Variants in ARID1B observed in about 807,000 individuals in gnomAD.
The protein encoded by ARID1B is AT-rich interactive domain-containing protein 1B.
In ARID1B, 30 loss-of-function variants were observed where a neutral mutation model predicts 212.3. The observed-to-expected ratio is 0.14, with a 90% CI of 0.11 to 0.19. The LOEUF (loss-of-function observed/expected upper bound fraction) is 0.19. Among genes scored for constraint, ARID1B ranks in the 10% least tolerant of loss-of-function variants. The pLI is 1.00. For missense variants in ARID1B, 2,891 were observed against 3,204.0 expected (o/e 0.90, Z 2.36); for synonymous variants, 1,402 against 1,301.7 (o/e 1.08, Z -1.66).
At chr6:156,940,554 G>A (rs1412677084) in intron 4 of ARID1B, 1 of 152,236 alleles carries the variant, frequency 6.6e-6, no homozygotes, top group African/African-American at 2.4e-5. Flanking sequence ...AGAATGGTTG[G>A]AAAACTTTTA....
chr6:157,188,442 C>T (rs1250405223), intron 13 of ARID1B, among the ~76,000 whole-genome samples: 1 of 152,198 alleles, frequency 6.6e-6, no homozygotes, highest in Non-Finnish European at 1.5e-5. Flanking sequence ...ATTTTGATTT[C>T]TGACTCCTTC....
chr6:157,045,605 G>C (rs770876535), intron 4 of ARID1B, among the ~76,000 whole-genome samples: 1 of 152,130 alleles, frequency 6.6e-6, no homozygotes, highest in Non-Finnish European at 1.5e-5. Flanking sequence ...CTCTCTGAGT[G>C]AGTGTGACTA....
At chr6:156,899,076 G>A (rs1181239008) in intron 2 of ARID1B, among the ~76,000 whole-genome samples, 1 of 152,218 alleles carries the variant, frequency 6.6e-6, no homozygotes, top group Non-Finnish European at 1.5e-5. Context: ...ATATTTTACA[G>A]AGAGCACTAC....
rs536577168 is a variant in ARID1B, at chr6:156,853,582, C to T, written c.1986+24161C>T. Among the ~76,000 whole-genome samples the T allele has an allele frequency of 3.9e-5, 6 of 152,062 alleles. No homozygotes were observed. The East Asian group carries it at 7.7e-4, about 20-fold the overall frequency. On this transcript the variant is annotated intron_variant, in intron 2 of 19. Transcript: ENST00000636930. ...TGTCTGACTCTGATTCCTCCATCTG[C>T]CAGCACAGCTTCTCTTGTTCTCTGT...
chr6:156,969,157 G>A (rs1423336946), intron 4 of ARID1B, among the ~76,000 whole-genome samples: 2 of 152,186 alleles, frequency 1.3e-5, no homozygotes, highest in Non-Finnish European at 2.9e-5. Context: ...GACTTGAGTA[G>A]CATAACTTAT....
At chr6:157,014,107 A>G (rs1482298918) in intron 4 of ARID1B, among the ~76,000 whole-genome samples, 2 of 152,210 alleles carry the variant, frequency 1.3e-5, no homozygotes, top group Admixed American at 1.3e-4. Flanking sequence ...ATTTTCTGCT[A>G]CTGAATCCAA....
At chr6:156,903,414 A>C (rs1044715217) in intron 3 of ARID1B, among the ~76,000 whole-genome samples, 1 of 152,170 alleles carries the variant, frequency 6.6e-6, no homozygotes, top group African/African-American at 2.4e-5. Context: ...AATACATTGG[A>C]AATTTTTTCT....
At chr6:156,894,305 C>CCGGGGGGGTGGGATGGGGGA (rs1788212008) in intron 2 of ARID1B, among the ~76,000 whole-genome samples, 1 of 120,106 alleles carries the variant, frequency 8.3e-6, no homozygotes, top group Non-Finnish European at 1.7e-5. Flanking sequence ...GGGATGGGGG[C>CCGGGGGGGTGGGATGGGGGA]CGGGGGTTGG....
rs1554264583 is a variant in ARID1B at position 156,897,218 on chromosome 6, G to GCTGCTGCTTCTTCTT, written c.1987-4156_1987-4155insGCTGCTTCTTCTTCT. On this transcript the variant is annotated intron_variant, in intron 2 of 19. Transcript: ENST00000636930. ...TGCTGCTGCTGCTGCTGCTGCTGCT[G>GCTGCTGCTTCTTCTT]CTTCTTCTTCTTCTTCTTCTTCTTC... 1.1e-3 allele frequency among the ~76,000 whole-genome samples: 96 copies of GCTGCTGCTTCTTCTT among 91,334 alleles called. 1 individual carries two copies. Among genetic ancestry groups the GCTGCTGCTTCTTCTT allele is most frequent in the Middle Eastern group, 5.1e-3 (1 of 196 alleles). The allele number at this position is 91,334 out of a possible 152,430, so 59.9% of individuals were successfully genotyped here.
At chr6:156,948,852 A>G (rs1747452184) in intron 4 of ARID1B, among the ~76,000 whole-genome samples, 1 of 152,242 alleles carries the variant, frequency 6.6e-6, no homozygotes, top group Admixed American at 6.5e-5. Flanking sequence ...ATACTTTAAC[A>G]TCTTTTTTCA....
At chr6:156,963,249 T>C (rs1024195624) in intron 4 of ARID1B, among the ~76,000 whole-genome samples, 2 of 152,204 alleles carry the variant, frequency 1.3e-5, no homozygotes, top group Admixed American at 6.5e-5. Flanking sequence ...AACAAAGAAG[T>C]CTGTTCAGTG....
intron 1 of ARID1B, among the ~76,000 whole-genome samples, chr6:156,821,953 T>C (rs1483923392): frequency 6.6e-6 from 1 of 152,210 alleles, no homozygotes. Context: ...AGGGCACCGA[T>C]AATTTCATGG....
At chr6:156,912,235 G>GA (rs1350850136) in intron 3 of ARID1B, among the ~76,000 whole-genome samples, 1 of 148,730 alleles carries the variant, frequency 6.7e-6, no homozygotes, top group African/African-American at 2.5e-5. Context: ...CAAACTAAAT[G>GA]AAACAGTGAA....
chr6:156,991,137 GAC>G (rs1351226698), intron 4 of ARID1B, among the ~76,000 whole-genome samples: 2 of 152,228 alleles, frequency 1.3e-5, no homozygotes, highest in East Asian at 3.8e-4. Context: ...ACATGGCAGA[GAC>G]AGTTTCAACC....
intron 13 of ARID1B, chr6:157,186,163 T>A (rs1792959008): frequency 3.9e-6 from 1 of 258,784 alleles, no homozygotes; most frequent in Non-Finnish European, 7.7e-6. Flanking sequence ...GCTCTCCCAG[T>A]GTGCATCAGC....
chr6:157,054,832 C>G, intron 4 of ARID1B, among the ~76,000 whole-genome samples: 1 of 152,330 alleles, frequency 6.6e-6, no homozygotes. Flanking sequence ...TGTCTATTCA[C>G]GTGTACCTCC....
intron 11 of ARID1B, 24 bp downstream of exon 11, chr6:157,175,029 GTTTT>G: frequency 7.4e-7 from 1 of 1,349,070 alleles, no homozygotes; most frequent in East Asian, 2.8e-5. Flanking sequence ...GTTTTTTTTT[GTTTT>G]TTTTGTTTTT....
intron 4 of ARID1B, among the ~76,000 whole-genome samples, chr6:156,977,892 G>A (rs1223649891): frequency 1.3e-5 from 2 of 152,132 alleles, no homozygotes; most frequent in Non-Finnish European, 2.9e-5. Flanking sequence ...GGTGGGACAG[G>A]GTAAGCAGGG....
chr6:156,923,332 C>G (rs908340248), intron 3 of ARID1B, among the ~76,000 whole-genome samples: 5 of 152,116 alleles, frequency 3.3e-5, no homozygotes, highest in South Asian at 4.1e-4. Flanking sequence ...CTGGGAAATT[C>G]AGATTCCTGG....
Sources: allele counts gnomAD v4.1 joint callset (sites outside exome capture counted in the v4.1 genomes callset), GRCh38; gene constraint gnomAD v4.1.1; transcripts MANE v1.5; gene names NCBI Gene and HGNC (gene_info 2026-07-23, HGNC 2026-07-21).